LHCGR: variants seen among roughly 807,000 people sequenced by gnomAD.
LHCGR encodes the protein luteinizing hormone/choriogonadotropin receptor.
In LHCGR, 55 loss-of-function variants were observed where a neutral mutation model predicts 60.7. That is an observed-to-expected ratio of 0.91 (90% CI 0.73 to 1.13). LHCGR has a LOEUF of 1.13. Among genes scored for constraint, LHCGR ranks in the 50% most tolerant of loss-of-function variants. The probability of loss-of-function intolerance (pLI) is 0.00; values close to 1 mark genes in which losing one functional copy is unlikely to be tolerated. For synonymous variants in LHCGR, 337 were observed against 316.5 expected, an observed-to-expected ratio of 1.06 and a Z score of -0.69; for missense variants, 862 against 836.0, an observed-to-expected ratio of 1.03 and a Z score of -0.38.
chr2:48,698,805 AC>A lies in LHCGR; in HGVS notation c.681-6del. 6.2e-7 allele frequency: 1 copy of A among 1,610,422 alleles called. No homozygotes were observed. The highest frequency in any genetic ancestry group is 8.5e-7 in the Non-Finnish European group (1 of 1,176,848). ...AATTTGGTGGAAGAAATATCCCTGA[AC>A]AATAAAGGGGAGAAATGCTTTTTAT... On this transcript the variant is annotated splice_polypyrimidine_tract_variant and splice_region_variant and intron_variant, in intron 8 of 10. Transcript: ENST00000294954.
At chr2:48,689,366 C>A (rs1397518900) in intron 10 of LHCGR, among the ~76,000 whole-genome samples, 1 of 152,084 alleles carries the variant, frequency 6.6e-6, no homozygotes. Context: ...AGTTGCCAAC[C>A]AAACTGCTAC....
At chr2:48,742,222 G>A (rs1238056387) in intron 1 of LHCGR, among the ~76,000 whole-genome samples, 1 of 152,090 alleles carries the variant, frequency 6.6e-6, no homozygotes, top group East Asian at 1.9e-4. Flanking sequence ...AAGAGACTTA[G>A]ACTCCCACAC....
At chr2:48,746,083 T>C (rs917967746) in intron 1 of LHCGR, among the ~76,000 whole-genome samples, 3 of 152,150 alleles carry the variant, frequency 2.0e-5, no homozygotes, top group African/African-American at 7.2e-5. Context: ...ATAATACTAA[T>C]ATAGCATGCA....
At chr2:48,716,335 C>T (rs529965210) in intron 6 of LHCGR, among the ~76,000 whole-genome samples, 1 of 152,150 alleles carries the variant, frequency 6.6e-6, no homozygotes, top group Non-Finnish European at 1.5e-5. Flanking sequence ...AGAAATTCAT[C>T]TTACATATTC....
intron 9 of LHCGR, 75 bp downstream of exon 9, chr2:48,698,540 T>C: frequency 8.3e-7 from 1 of 1,203,226 alleles, no homozygotes; most frequent in Non-Finnish European, 1.2e-6. Context: ...AGTGGAGCTG[T>C]CTACTCATTG....
chr2:48,743,451 G>T (rs7370452), intron 1 of LHCGR, among the ~76,000 whole-genome samples: 2 of 151,934 alleles, frequency 1.3e-5, no homozygotes, highest in African/African-American at 4.8e-5. Context: ...TCAATAAAAT[G>T]CTGGCAAACC....
At chr2:48,713,347 A>G (rs941396664) in intron 7 of LHCGR, among the ~76,000 whole-genome samples, 1 of 152,152 alleles carries the variant, frequency 6.6e-6, no homozygotes, top group Non-Finnish European at 1.5e-5. Context: ...GCTATGGTTC[A>G]AATGTCCCCA....
At chr2:48,691,657 C>A (rs1666835128) in intron 10 of LHCGR, among the ~76,000 whole-genome samples, 2 of 152,018 alleles carry the variant, frequency 1.3e-5, no homozygotes, top group South Asian at 4.1e-4. Context: ...ACCAGCCTGG[C>A]CAATATGGCA....
chr2:48,746,709 G>T (rs1005986423), intron 1 of LHCGR, among the ~76,000 whole-genome samples: 5 of 152,208 alleles, frequency 3.3e-5, no homozygotes, highest in Non-Finnish European at 2.9e-5. Flanking sequence ...GAGGAAAATG[G>T]TAAGTATATC....
intron 8 of LHCGR, among the ~76,000 whole-genome samples, chr2:48,700,383 A>G (rs1027446176): frequency 2.3e-4 from 35 of 152,298 alleles, no homozygotes; most frequent in Non-Finnish European, 4.6e-4. Flanking sequence ...TTTAGATACG[A>G]TTCAAGTCCT....
chr2:48,717,500 A>G (rs1346717088), intron 6 of LHCGR, among the ~76,000 whole-genome samples: 2 of 152,186 alleles, frequency 1.3e-5, no homozygotes, highest in Non-Finnish European at 2.9e-5. Flanking sequence ...TTAAACATTT[A>G]TAAGTAGGTT....
At chr2:48,739,820 A>C (rs528297547) in intron 1 of LHCGR, among the ~76,000 whole-genome samples, 1 of 152,340 alleles carries the variant, frequency 6.6e-6, no homozygotes, top group Non-Finnish European at 1.5e-5. Flanking sequence ...AATTAAAAAA[A>C]AAGGTCCGAC....
Position 48,688,267 on chromosome 2 carries a change from C to A in LHCGR, c.1530G>T (p.Lys510Asn). 6.2e-7 allele frequency: 1 copy of A among 1,613,972 alleles called. No homozygotes were observed. Among genetic ancestry groups the A allele is most frequent in the Non-Finnish European group, 8.5e-7 (1 of 1,179,946 alleles). ...LPLVGVSNYM[K>N]VSICFPMDVE... ...CATCCATGGGGAAGCAAATACTGAC[C>A]TTCATGTAATTGCTGACACCGACAA... is the stretch of plus-strand genomic sequence containing the variant. Residue 510 changes from lysine to asparagine, a missense_variant, in exon 11 of 11, where the codon AAG becomes AAT. Physicochemically the swap from Lys to Asn is moderately conservative, Grantham distance 94. Coordinates refer to ENST00000294954, the MANE Select transcript of LHCGR (RefSeq NM_000233.4). This position sits in a 1 kb window ranked among gnomAD's most constrained non-coding sequence, Gnocchi z 5.2.
intron 8 of LHCGR, among the ~76,000 whole-genome samples, chr2:48,704,447 T>C (rs1667564009): frequency 6.6e-6 from 1 of 152,208 alleles, no homozygotes; most frequent in Non-Finnish European, 1.5e-5. Flanking sequence ...TTGATTGGAA[T>C]AGTTTCAGAA....
intron 1 of LHCGR, among the ~76,000 whole-genome samples, chr2:48,733,793 A>G (rs1165313252): frequency 6.6e-6 from 1 of 151,940 alleles, no homozygotes; most frequent in African/African-American, 2.4e-5. Flanking sequence ...TCACATCTTC[A>G]TTTCTGATTC....
chr2:48,731,690 T>C (rs1206721425), intron 1 of LHCGR, among the ~76,000 whole-genome samples: 3 of 152,306 alleles, frequency 2.0e-5, no homozygotes, highest in East Asian at 1.9e-4. Context: ...GGATAATCCA[T>C]GTAAAGAACA....
chr2:48,726,654 T>C (rs141682910), intron 3 of LHCGR, among the ~76,000 whole-genome samples: 2 of 152,352 alleles, frequency 1.3e-5, no homozygotes, highest in African/African-American at 4.8e-5. Flanking sequence ...CCTTGTTCTA[T>C]AGAGAGAATG....
intron 8 of LHCGR, among the ~76,000 whole-genome samples, chr2:48,703,366 G>C (rs556476359): frequency 7.9e-5 from 12 of 152,260 alleles, no homozygotes; most frequent in Admixed American, 3.3e-4. Context: ...TGTCCTGAAC[G>C]GTAATGCCTA....
intron 1 of LHCGR, among the ~76,000 whole-genome samples, chr2:48,738,491 G>C (rs781048585): frequency 6.6e-6 from 1 of 152,162 alleles, no homozygotes; most frequent in Non-Finnish European, 1.5e-5. Context: ...GACAACTCCT[G>C]CTATGTCATT....
Sources: gnomAD v4.1 joint callset for allele counts (sites outside exome capture counted in the v4.1 genomes callset) on GRCh38, gnomAD v4.1.1 for gene constraint, Gnocchi (gnomAD v3.1) non-coding constraint, MANE v1.5 for transcripts, NCBI Gene and HGNC (gene_info 2026-07-23, HGNC 2026-07-21) for gene names.